Variants in TLE4 observed in about 807,000 individuals in gnomAD.
TLE4 encodes TLE family member 4, transcriptional corepressor.
A neutral mutation model predicts 92.8 loss-of-function variants in TLE4; 8 were observed. That is an observed-to-expected ratio of 0.09 (90% CI 0.05 to 0.16). TLE4 has a LOEUF of 0.16. Ranked by LOEUF, TLE4 falls within the 10% of genes least tolerant of loss-of-function variation. The pLI is 1.00. For synonymous variants in TLE4, 371 were observed against 374.1 expected, an observed-to-expected ratio of 0.99 and a Z score of 0.10; for missense variants, 675 against 997.6, an observed-to-expected ratio of 0.68 and a Z score of 4.36.
At chr9:79,714,443 A>G (rs1377510943) in intron 14 of TLE4, among the ~76,000 whole-genome samples, 1 of 152,172 alleles carries the variant, frequency 6.6e-6, no homozygotes, top group African/African-American at 2.4e-5. Flanking sequence ...CTGGATTAAA[A>G]CCAATTCAAG....
intron 3 of TLE4, among the ~76,000 whole-genome samples, chr9:79,575,258 T>G (rs1021802893): frequency 2.0e-5 from 3 of 152,218 alleles, no homozygotes; most frequent in African/African-American, 7.2e-5. Context: ...GTTAGTGGCT[T>G]TCTTTGTTGT....
intron 8 of TLE4, 47 bp from the exon 9 acceptor site, chr9:79,704,736 A>G: frequency 6.3e-7 from 1 of 1,586,828 alleles, no homozygotes. Flanking sequence ...CACTCGGCTA[A>G]ATAGATGATA....
chr9:79,679,265 A>G (rs1018469772), intron 8 of TLE4, among the ~76,000 whole-genome samples: 7 of 151,900 alleles, frequency 4.6e-5, no homozygotes, highest in African/African-American at 1.7e-4. Flanking sequence ...CTATTTCTCC[A>G]CCTCCTCTCC....
chr9:79,684,815 A>G (rs1456538653), intron 8 of TLE4, among the ~76,000 whole-genome samples: 2 of 152,158 alleles, frequency 1.3e-5, no homozygotes, highest in African/African-American at 4.8e-5. Flanking sequence ...CTACTGTGCC[A>G]TTGGCCAAAG....
chr9:79,708,497 T>G, intron 12 of TLE4, 96 bp from the exon 13 acceptor site: 1 of 1,274,624 alleles, frequency 7.8e-7, no homozygotes. Context: ...AATAAGCTCA[T>G]TTGAACCATA....
chr9:79,672,189 A>G (rs1488635087), intron 8 of TLE4, among the ~76,000 whole-genome samples: 1 of 151,838 alleles, frequency 6.6e-6, no homozygotes, highest in Non-Finnish European at 1.5e-5. Context: ...ACAGGGCTCT[A>G]GCAGATTTCA....
At chr9:79,650,008 C>T (rs898398634) in intron 6 of TLE4, 3 of 602,406 alleles carry the variant, frequency 5.0e-6, no homozygotes, top group Non-Finnish European at 7.4e-6. Context: ...CATGACCTCC[C>T]TGGCTCAGGT....
intron 8 of TLE4, among the ~76,000 whole-genome samples, chr9:79,673,898 C>T (rs973795011): frequency 5.9e-5 from 9 of 152,088 alleles, no homozygotes; most frequent in African/African-American, 1.9e-4. Context: ...AGTCACGCCT[C>T]TCCATGCCTT....
intron 4 of TLE4, among the ~76,000 whole-genome samples, chr9:79,604,273 T>A (rs1467594580): frequency 6.6e-6 from 1 of 152,114 alleles, no homozygotes; most frequent in Non-Finnish European, 1.5e-5. Flanking sequence ...GAAGAGGGAC[T>A]GTCTCCTTGT....
chr9:79,659,740 G>A (rs539127289), intron 8 of TLE4, among the ~76,000 whole-genome samples: 6 of 150,638 alleles, frequency 4.0e-5, no homozygotes, highest in African/African-American at 1.5e-4. Context: ...ACTTTACTTA[G>A]TTAGGGCATG....
intron 1 of TLE4, chr9:79,573,392 C>T: frequency 1.7e-6 from 2 of 1,175,950 alleles, no homozygotes. Context: ...GTGGGCGCGG[C>T]GCGCGGGTCC....
chr9:79,691,083 A>C (rs921471698), intron 8 of TLE4, among the ~76,000 whole-genome samples: 4 of 152,110 alleles, frequency 2.6e-5, no homozygotes, highest in Non-Finnish European at 5.9e-5. Flanking sequence ...TTTATATCCT[A>C]ATGTCTCAGA....
At position 79,628,873 on chromosome 9, in the gene TLE4, AGTGTGTGTGTGT is replaced by A. The variant is rs34212290; in HGVS notation, c.390+1450_390+1461del. ...TGAGAAAGGTTTAATTTTAAAGTTA[AGTGTGTGTGTGT>A]GTGTGTGTGTGTGTGTGTGTGTGTA... On this transcript the variant is annotated intron_variant, in intron 6 of 19. Transcript: ENST00000376552. Among the ~76,000 whole-genome samples, 28 of 148,094 alleles carry A rather than the reference AGTGTGTGTGTGT, an allele frequency of 1.9e-4. No individual in the cohort carries two copies. The South Asian group carries it at 3.3e-3, about 17-fold the overall frequency.
At chr9:79,577,241 T>G (rs543755476) in intron 4 of TLE4, among the ~76,000 whole-genome samples, 3 of 152,154 alleles carry the variant, frequency 2.0e-5, no homozygotes, top group Non-Finnish European at 2.9e-5. Context: ...TATGGATTCC[T>G]TTTTGGGTAT....
intron 8 of TLE4, among the ~76,000 whole-genome samples, chr9:79,681,804 C>CAG (rs150338789): frequency 4.7e-3 from 550 of 117,112 alleles, no homozygotes; most frequent in African/African-American, 9.4e-3. Context: ...GAGAGGGAGA[C>CAG]AGAGAGAGAG....
At chr9:79,716,238 C>T (rs1588589087) in intron 14 of TLE4, among the ~76,000 whole-genome samples, 1 of 152,206 alleles carries the variant, frequency 6.6e-6, no homozygotes, top group African/African-American at 2.4e-5. Context: ...CTCCTTGCTT[C>T]GTTCTGGTCT....
At chr9:79,632,411 C>G (rs151306021) in intron 6 of TLE4, among the ~76,000 whole-genome samples, 2 of 152,110 alleles carry the variant, frequency 1.3e-5, no homozygotes, top group Non-Finnish European at 2.9e-5. Flanking sequence ...TTCATAGGCC[C>G]GTACTCCTGT....
chr9:79,573,893 G>A (rs1428919072), intron 2 of TLE4, 107 bp downstream of exon 2: 2 of 754,540 alleles, frequency 2.7e-6, no homozygotes, highest in African/African-American at 1.8e-5. Context: ...GCGTCACAAA[G>A]GTATTATTTT....
intron 4 of TLE4, among the ~76,000 whole-genome samples, chr9:79,601,145 G>T (rs1445249028): frequency 6.6e-6 from 1 of 152,158 alleles, no homozygotes; most frequent in Non-Finnish European, 1.5e-5. Flanking sequence ...CAAGGTTTCA[G>T]ATAGGAAGCT....
Sources: allele counts gnomAD v4.1 joint callset (sites outside exome capture counted in the v4.1 genomes callset), GRCh38; gene constraint gnomAD v4.1.1; transcripts MANE v1.5; gene names NCBI Gene and HGNC (gene_info 2026-07-23, HGNC 2026-07-21).